RCBTB2: variants seen among roughly 807,000 people sequenced by gnomAD.
RCBTB2 encodes the protein RCC1 and BTB domain containing protein 2.
RCBTB2 carries 55 observed loss-of-function variants against 65.4 expected under a neutral mutation model. The ratio of observed to expected loss-of-function variants is 0.84; its 90% CI spans 0.68 to 1.05. RCBTB2 has a LOEUF of 1.05. Ranked by LOEUF, RCBTB2 falls within the 50% of genes least tolerant of loss-of-function variation. RCBTB2 has a pLI of 0.00. For missense variants in RCBTB2, 599 were observed against 680.1 expected (o/e 0.88, Z 1.33); for synonymous variants, 220 against 255.2 (o/e 0.86, Z 1.31).
intron 7 of RCBTB2, 107 bp downstream of exon 7, chr13:48,512,622 G>C: frequency 1.1e-6 from 1 of 943,574 alleles, no homozygotes; most frequent in East Asian, 2.5e-5. Context: ...GGCTGAATTT[G>C]AGGGAGGTGG....
Position 48,515,491 on chromosome 13 carries a change from T to C in RCBTB2, c.198+95A>G, listed in dbSNP as rs1432956519. 1.1e-5 allele frequency: 16 copies of C among 1,392,114 alleles called. No individual in the cohort carries two copies. The East Asian group carries it at 2.6e-4, about 22-fold the overall frequency. 86.2% of individuals were successfully genotyped at this position (1,392,114 alleles called of 1,614,324 possible). On this transcript the variant is annotated intron_variant, in intron 5 of 14. Coordinates refer to ENST00000344532, the MANE Select transcript of RCBTB2 (RefSeq NM_001268.4). ...TAAAACCTAATTTCCATGCTTTTTT[T>C]TTTAACCTTTTATTCCTTAGTTCCC...
intron 3 of RCBTB2, 75 bp from the exon 4 acceptor site, chr13:48,522,037 T>C (rs139013532): frequency 8.1e-7 from 1 of 1,234,222 alleles, no homozygotes; most frequent in Non-Finnish European, 1.2e-6. Context: ...TTACTTTACT[T>C]CTAATTAGCA....
At chr13:48,493,315 A>ACT (rs3085593) in intron 14 of RCBTB2, among the ~76,000 whole-genome samples, 1,401 of 75,076 alleles carry the variant, frequency 0.019, 62 homozygotes, top group Admixed American at 0.099. Context: ...ACACACACAC[A>ACT]CTCTCTCTCT....
At chr13:48,508,877 C>G (rs1374249150) in intron 10 of RCBTB2, among the ~76,000 whole-genome samples, 4 of 152,200 alleles carry the variant, frequency 2.6e-5, no homozygotes, top group Non-Finnish European at 5.9e-5. Context: ...CACAATCCAT[C>G]TGCCCCAGTG....
chr13:48,518,472 A>AAATATATAT (rs1491137365), intron 4 of RCBTB2, among the ~76,000 whole-genome samples: 49 of 116,580 alleles, frequency 4.2e-4, no homozygotes, highest in Middle Eastern at 8.5e-3. Flanking sequence ...AAAAAAAAAA[A>AAATATATAT]ATATATATAT....
At chr13:48,525,289 C>T (rs1443548767) in intron 1 of RCBTB2, among the ~76,000 whole-genome samples, 2 of 145,164 alleles carry the variant, frequency 1.4e-5, no homozygotes, top group East Asian at 2.0e-4. Context: ...TGGAAAGGAT[C>T]CATACACAAA....
intron 13 of RCBTB2, among the ~76,000 whole-genome samples, chr13:48,497,521 A>G (rs1950034215): frequency 6.6e-6 from 1 of 152,244 alleles, no homozygotes; most frequent in Admixed American, 6.5e-5. Context: ...TGTAATTAGC[A>G]TAAAGAATGT....
upstream of RCBTB2, among the ~76,000 whole-genome samples, chr13:48,534,314 G>T (rs934078205): frequency 2.6e-5 from 4 of 152,220 alleles, no homozygotes; most frequent in African/African-American, 9.7e-5. Context: ...TCACTTCAGT[G>T]ATGATAGCTG....
intron 4 of RCBTB2, among the ~76,000 whole-genome samples, chr13:48,519,914 T>C (rs7981773): frequency 6.6e-6 from 1 of 152,090 alleles, no homozygotes; most frequent in East Asian, 1.9e-4. Context: ...CATCCCTAAT[T>C]CAAAAATCTG....
upstream of RCBTB2, among the ~76,000 whole-genome samples, chr13:48,533,649 C>G (rs1004733989): frequency 6.6e-6 from 1 of 152,070 alleles, no homozygotes; most frequent in Non-Finnish European, 1.5e-5. Flanking sequence ...ACCTTGGGGC[C>G]AAGGGCTTCG....
chr13:48,515,853 C>A, intron 4 of RCBTB2, 112 bp from the exon 5 acceptor site: 1 of 1,114,344 alleles, frequency 9.0e-7, no homozygotes, highest in Non-Finnish European at 1.3e-6. Context: ...CACACTGCAT[C>A]CATTTTTGAG....
chr13:48,502,588 T>C (rs1950288297), intron 11 of RCBTB2, 136 bp downstream of exon 11: 1 of 806,974 alleles, frequency 1.2e-6, no homozygotes, highest in East Asian at 2.9e-5. Context: ...ATAAAATTAG[T>C]TCCCTTTTGT....
intron 4 of RCBTB2, among the ~76,000 whole-genome samples, chr13:48,517,615 C>T (rs1265733694): frequency 2.0e-5 from 3 of 152,088 alleles, no homozygotes; most frequent in African/African-American, 7.2e-5. Flanking sequence ...GCCACTGGAC[C>T]TAAAGCAAAA....
rs186632005 is a variant in RCBTB2, at chr13:48,522,426, G to A, written c.-119-23C>T. 1,189 of 1,019,792 alleles carry A rather than the reference G, an allele frequency of 1.2e-3. 4 individuals are homozygous for A. The highest frequency in any genetic ancestry group is 2.6e-3 in the Admixed American group (118 of 44,576). 63.2% of individuals were successfully genotyped at this position (1,019,792 alleles called of 1,614,324 possible). On this transcript the variant is annotated intron_variant, in intron 2 of 14. Transcript: ENST00000344532. Reference sequence around the variant, plus strand: ...AAGCTGGAAAAAAAAAAGGAGAAATGAATGAAAATGATGAAAAAAATGAAT... The same window carrying A: ...AAGCTGGAAAAAAAAAAGGAGAAATAAATGAAAATGATGAAAAAAATGAAT...
intron 10 of RCBTB2, among the ~76,000 whole-genome samples, chr13:48,507,124 C>T (rs1451317319): frequency 2.0e-5 from 3 of 152,244 alleles, no homozygotes; most frequent in Non-Finnish European, 4.4e-5. Flanking sequence ...GTGATGCTGC[C>T]CGTCCCGGGG....
chr13:48,506,574 G>A (rs770449458), intron 10 of RCBTB2, among the ~76,000 whole-genome samples: 5 of 152,182 alleles, frequency 3.3e-5, no homozygotes, highest in Non-Finnish European at 5.9e-5. Flanking sequence ...GAAAACCCCC[G>A]GCTGGCAGTG....
intron 7 of RCBTB2, among the ~76,000 whole-genome samples, 165 bp from the exon 8 acceptor site, chr13:48,512,339 A>G (rs1950848836): frequency 6.6e-6 from 1 of 152,230 alleles, no homozygotes. Context: ...ATTCTTATAC[A>G]ATGTACATGA....
intron 5 of RCBTB2, 91 bp from the exon 6 acceptor site, chr13:48,515,446 C>A (rs1951031274): frequency 1.4e-6 from 2 of 1,413,080 alleles, no homozygotes; most frequent in Non-Finnish European, 9.7e-7. Flanking sequence ...CTTAAGCAAA[C>A]TGCTTCTTTA....
intron 14 of RCBTB2, among the ~76,000 whole-genome samples, chr13:48,492,045 C>T (rs896916723): frequency 6.6e-6 from 1 of 152,160 alleles, no homozygotes; most frequent in African/African-American, 2.4e-5. Context: ...GCAGTCCTAC[C>T]ACATTCTCCT....
Sources: allele counts gnomAD v4.1 joint callset (sites outside exome capture counted in the v4.1 genomes callset), GRCh38; gene constraint gnomAD v4.1.1; transcripts MANE v1.5; gene names NCBI Gene and HGNC (gene_info 2026-07-23, HGNC 2026-07-21).